Variants in CERS6 observed in about 807,000 individuals in gnomAD.
CERS6 encodes ceramide synthase 6.
CERS6 carries 26 observed loss-of-function variants against 56.8 expected under a neutral mutation model. That is an observed-to-expected ratio of 0.46 (90% confidence interval 0.34 to 0.63). The LOEUF is 0.63. Among genes scored for constraint, CERS6 ranks in the 30% least tolerant of loss-of-function variants. The pLI, the probability that CERS6 is intolerant of heterozygous loss-of-function variation, is 0.01. For missense variants in CERS6, 415 were observed against 467.5 expected, an observed-to-expected ratio of 0.89 and a Z score of 1.04; for synonymous variants, 164 against 173.3, an observed-to-expected ratio of 0.95 and a Z score of 0.42.
At chr2:168,685,096 T>C (rs1331844676) in intron 4 of CERS6, among the ~76,000 whole-genome samples, 1 of 152,220 alleles carries the variant, frequency 6.6e-6, no homozygotes, top group Non-Finnish European at 1.5e-5. Flanking sequence ...TTAGACTATA[T>C]TCCTTGACTC....
chr2:168,539,690 T>A (rs1317647070), intron 1 of CERS6, among the ~76,000 whole-genome samples: 1 of 152,228 alleles, frequency 6.6e-6, no homozygotes, highest in Non-Finnish European at 1.5e-5. Context: ...AGTTTTAAAT[T>A]GATAATACTT....
chr2:168,547,798 T>C (rs1695493768), intron 2 of CERS6, 97 bp downstream of exon 2: 4 of 837,106 alleles, frequency 4.8e-6, no homozygotes, highest in Admixed American at 4.1e-5. Flanking sequence ...GAGAATCAAC[T>C]TTTGCCTAGC....
At chr2:168,548,304 A>T (rs561957501) in intron 2 of CERS6, among the ~76,000 whole-genome samples, 1 of 152,126 alleles carries the variant, frequency 6.6e-6, no homozygotes, top group Admixed American at 6.5e-5. Context: ...CCAAACTAGG[A>T]GTGGGAGGAA....
rs114554593 is a variant in CERS6 at position 168,723,300 on chromosome 2, T to A, written c.845+5322T>A. On this transcript the variant is annotated intron_variant, in intron 8 of 9. Coordinates refer to ENST00000305747, the MANE Select transcript of CERS6 (RefSeq NM_203463.3). ...CACACAGTGGCCATTATTAGAGAGTTCTGCCCCAGGCTGTCATAGTTTACC... is the reference window on the plus strand; with the variant it reads ...CACACAGTGGCCATTATTAGAGAGTACTGCCCCAGGCTGTCATAGTTTACC... Among the ~76,000 whole-genome samples, 1,059 of 152,332 alleles carry A rather than the reference T, an allele frequency of 7.0e-3. 11 individuals carry two copies. Among genetic ancestry groups the A allele is most frequent in the African/African-American group, 0.024 (1,001 of 41,574 alleles).
chr2:168,502,552 T>C (rs1244955347), intron 1 of CERS6, among the ~76,000 whole-genome samples: 1 of 152,186 alleles, frequency 6.6e-6, no homozygotes, highest in Admixed American at 6.5e-5. Context: ...TGATATTGGC[T>C]AGGGCTCAAG....
At chr2:168,470,407 T>A (rs1220090213) in intron 1 of CERS6, among the ~76,000 whole-genome samples, 1 of 152,042 alleles carries the variant, frequency 6.6e-6, no homozygotes, top group Non-Finnish European at 1.5e-5. Flanking sequence ...AGAAGCTTCC[T>A]TGGTGACTGA....
At chr2:168,607,563 G>C (rs773000537) in intron 3 of CERS6, among the ~76,000 whole-genome samples, 19 of 152,052 alleles carry the variant, frequency 1.2e-4, no homozygotes, top group Admixed American at 8.5e-4. Flanking sequence ...TGTATTTTTA[G>C]TAGAGACGGG....
chr2:168,631,922 T>A (rs886628045), intron 4 of CERS6, among the ~76,000 whole-genome samples: 1 of 144,616 alleles, frequency 6.9e-6, no homozygotes, highest in Non-Finnish European at 1.5e-5. Flanking sequence ...TCTGTCTCTC[T>A]CTCTCTCGCC....
chr2:168,610,040 C>T (rs565383432), intron 3 of CERS6, among the ~76,000 whole-genome samples: 29 of 140,146 alleles, frequency 2.1e-4, no homozygotes, highest in Non-Finnish European at 3.3e-4. Context: ...TGCAGTGGCG[C>T]GACCTCGGCT....
chr2:168,535,564 A>T (rs562659226), intron 1 of CERS6, among the ~76,000 whole-genome samples: 1 of 152,018 alleles, frequency 6.6e-6, no homozygotes, highest in South Asian at 2.1e-4. Context: ...CTTGGTTGCC[A>T]GTGAAGGATT....
At chr2:168,693,664 A>G (rs1686563292) in intron 5 of CERS6, among the ~76,000 whole-genome samples, 1 of 152,144 alleles carries the variant, frequency 6.6e-6, no homozygotes, top group Non-Finnish European at 1.5e-5. Context: ...TCAGGCTGCT[A>G]CAAGAGAATA....
At chr2:168,533,375 A>G (rs1695202444) in intron 1 of CERS6, among the ~76,000 whole-genome samples, 1 of 152,146 alleles carries the variant, frequency 6.6e-6, no homozygotes, top group African/African-American at 2.4e-5. Flanking sequence ...AATAGACTGG[A>G]ATAGTTTGGA....
At chr2:168,729,249 A>G (rs1329530707) in intron 8 of CERS6, among the ~76,000 whole-genome samples, 1 of 152,198 alleles carries the variant, frequency 6.6e-6, no homozygotes, top group Non-Finnish European at 1.5e-5. Context: ...TCATGCTAGG[A>G]CCGAGATTTG....
chr2:168,467,128 G>A (rs1693895395), intron 1 of CERS6, among the ~76,000 whole-genome samples: 1 of 152,068 alleles, frequency 6.6e-6, no homozygotes, highest in African/African-American at 2.4e-5. Flanking sequence ...TTAAAGACAC[G>A]GGGAAGTCTT....
intron 6 of CERS6, among the ~76,000 whole-genome samples, chr2:168,701,123 G>A (rs1271464574): frequency 1.3e-5 from 2 of 152,156 alleles, no homozygotes; most frequent in Non-Finnish European, 2.9e-5. Flanking sequence ...GGGTTTCTTA[G>A]TGCCTCAGGC....
chr2:168,465,299 A>G (rs1400520814), intron 1 of CERS6, among the ~76,000 whole-genome samples: 1 of 152,160 alleles, frequency 6.6e-6, no homozygotes, highest in South Asian at 2.1e-4. Context: ...CAGATTTACT[A>G]TCTGGTTAGG....
intron 3 of CERS6, among the ~76,000 whole-genome samples, chr2:168,583,876 G>A (rs577701240): frequency 1.7e-4 from 26 of 152,274 alleles, no homozygotes; most frequent in African/African-American, 6.0e-4. Context: ...TCTCTGTTTG[G>A]CGATTATTGT....
At chr2:168,730,226 A>G (rs762054342) in intron 8 of CERS6, among the ~76,000 whole-genome samples, 7 of 152,374 alleles carry the variant, frequency 4.6e-5, no homozygotes, top group Non-Finnish European at 8.8e-5. Flanking sequence ...AGTAAGTTTA[A>G]TAAGTCCTGC....
chr2:168,514,515 T>C (rs929943596), intron 1 of CERS6, among the ~76,000 whole-genome samples: 5 of 152,218 alleles, frequency 3.3e-5, no homozygotes, highest in African/African-American at 1.2e-4. Flanking sequence ...TAAGGTTTCC[T>C]TTTTAAGCCT....
Sources: gnomAD v4.1 joint callset for allele counts (sites outside exome capture counted in the v4.1 genomes callset) on GRCh38, gnomAD v4.1.1 for gene constraint, MANE v1.5 for transcripts, NCBI Gene and HGNC (gene_info 2026-07-23, HGNC 2026-07-21) for gene names.